PAFAH1B1: variants seen among roughly 807,000 people sequenced by gnomAD.
PAFAH1B1 encodes the protein platelet activating factor acetylhydrolase 1b regulatory subunit 1.
Under a neutral mutation model 57.5 loss-of-function variants are expected in PAFAH1B1, and 2 were observed. The observed-to-expected ratio is 0.03, with a 90% CI of 0.01 to 0.11. The LOEUF is 0.11. Among genes scored for constraint, PAFAH1B1 ranks in the 10% least tolerant of loss-of-function variants. The pLI is 1.00. For synonymous variants in PAFAH1B1, 152 were observed against 169.6 expected (o/e 0.90, Z 0.81); for missense variants, 257 against 512.0 (o/e 0.50, Z 4.81).
chr17:2,682,873 ACT>A lies in PAFAH1B1; in HGVS notation c.*1072_*1073del, dbSNP rs778579847. The A allele has an allele frequency of 1.3e-5, 2 of 152,580 alleles. No homozygotes were observed. Among genetic ancestry groups the A allele is most frequent in the Non-Finnish European group, 2.9e-5 (2 of 68,014 alleles). 9.5% of individuals were successfully genotyped at this position (152,580 alleles called of 1,614,324 possible). A position where few individuals can be genotyped will look rare whatever the true frequency, so the allele number is the denominator to read the frequency against. ...TTTAATGGAGCGTGCATAAAAATGT[ACT>A]GTTTTCACCTTTTGTTTATATGTAA... On this transcript the variant is annotated 3_prime_UTR_variant, in exon 11 of 11. Coordinates refer to ENST00000397195, the MANE Select transcript of PAFAH1B1 (RefSeq NM_000430.4).
At chr17:2,679,662 A>G (rs1453228696) in intron 9 of PAFAH1B1, 3 of 155,702 alleles carry the variant, frequency 1.9e-5, no homozygotes, top group Non-Finnish European at 2.8e-5. Flanking sequence ...GGATGGATGG[A>G]TGGATGGATA....
At chr17:2,663,301 T>C (rs1355304781) in intron 2 of PAFAH1B1, among the ~76,000 whole-genome samples, 1 of 152,080 alleles carries the variant, frequency 6.6e-6, no homozygotes. Flanking sequence ...GAAAATCAAC[T>C]CTAGGTCAAC....
At chr17:2,673,296 C>A (rs2069208292) in intron 7 of PAFAH1B1, among the ~76,000 whole-genome samples, 2 of 152,098 alleles carry the variant, frequency 1.3e-5, no homozygotes, top group South Asian at 4.2e-4. Context: ...TGGCTTATTT[C>A]CTCTGTGGTC....
intron 1 of PAFAH1B1, among the ~76,000 whole-genome samples, chr17:2,625,720 A>AT (rs1293917653): frequency 3.3e-5 from 5 of 152,108 alleles, no homozygotes; most frequent in Non-Finnish European, 7.4e-5. Flanking sequence ...GAGCCCAGGA[A>AT]TTAAAGACCA....
At chr17:2,625,394 A>AC (rs1352070471) in intron 1 of PAFAH1B1, among the ~76,000 whole-genome samples, 1 of 152,162 alleles carries the variant, frequency 6.6e-6, no homozygotes, top group African/African-American at 2.4e-5. Flanking sequence ...AGATTTGTGA[A>AC]CCCCCTTAAA....
In PAFAH1B1 at chr17:2,630,787, G is replaced by A. The variant is rs370269356; in HGVS notation, c.-190-7312G>A. Among the ~76,000 whole-genome samples the A allele has an allele frequency of 4.3e-4, 66 of 152,262 alleles. No individual in the cohort carries two copies. In the East Asian group the frequency reaches 7.3e-3, roughly 17 times the overall value. On this transcript the variant is annotated intron_variant, in intron 1 of 10. Transcript: ENST00000397195. Reference sequence around the variant, plus strand: ...GTTTAAGATAATCCCAGACGTCTTGGAAGCTTTGTTCATATTTTCTTATTC... The same window carrying A: ...GTTTAAGATAATCCCAGACGTCTTGAAAGCTTTGTTCATATTTTCTTATTC...
intron 1 of PAFAH1B1, among the ~76,000 whole-genome samples, chr17:2,614,563 G>A (rs1468971312): frequency 6.6e-6 from 1 of 152,128 alleles, no homozygotes; most frequent in Non-Finnish European, 1.5e-5. Context: ...CAAGGCAACT[G>A]TGTTTTCTTC....
chr17:2,602,607 T>C (rs2151609342), intron 1 of PAFAH1B1, among the ~76,000 whole-genome samples: 1 of 152,242 alleles, frequency 6.6e-6, no homozygotes, highest in African/African-American at 2.4e-5. Flanking sequence ...TTTCACATCG[T>C]CTCTCTAAAT....
chr17:2,640,774 G>C (rs2151636384), intron 2 of PAFAH1B1: 1 of 152,130 alleles, frequency 6.6e-6, no homozygotes, highest in African/African-American at 2.4e-5. Flanking sequence ...CGCATTCTTG[G>C]CCAGAATACT....
In PAFAH1B1 at chr17:2,635,087, TG is replaced by T. The variant is rs774714857; in HGVS notation, c.-190-3009del. 1.0e-3 allele frequency among the ~76,000 whole-genome samples: 154 copies of T among 150,354 alleles called. 1 individual carries two copies. The highest frequency in any genetic ancestry group is 3.5e-3 in the Middle Eastern group (1 of 288). On this transcript the variant is annotated intron_variant, in intron 1 of 10. Transcript: ENST00000397195. ...CTGAGGCAGGAGAATCACTAGAAGC[TG>T]GGAGGCAGAGGTTGCAGTGAGCTGA...
At chr17:2,624,896 C>T (rs1029841045) in intron 1 of PAFAH1B1, among the ~76,000 whole-genome samples, 3 of 152,160 alleles carry the variant, frequency 2.0e-5, no homozygotes, top group African/African-American at 7.2e-5. Context: ...GGTTAGGAAC[C>T]ATTGATAATT....
chr17:2,660,960 A>G (rs1025138146), intron 2 of PAFAH1B1, among the ~76,000 whole-genome samples: 20 of 152,102 alleles, frequency 1.3e-4, no homozygotes, highest in Admixed American at 2.6e-4. Context: ...GGTGTGAGAT[A>G]GTATCTCATT....
intron 1 of PAFAH1B1, among the ~76,000 whole-genome samples, chr17:2,595,250 G>A (rs2068071926): frequency 6.6e-6 from 1 of 151,874 alleles, no homozygotes; most frequent in Non-Finnish European, 1.5e-5. Context: ...GTTTCATAAG[G>A]TTTTAAAGGC....
chr17:2,668,973 A>G (rs1371674657), intron 5 of PAFAH1B1, among the ~76,000 whole-genome samples: 1 of 152,114 alleles, frequency 6.6e-6, no homozygotes, highest in Non-Finnish European at 1.5e-5. Flanking sequence ...TGAGACACAC[A>G]TACATATATA....
intron 4 of PAFAH1B1, 74 bp downstream of exon 4, chr17:2,666,164 AT>A (rs541594663): frequency 4.9e-5 from 60 of 1,213,048 alleles, no homozygotes; most frequent in Admixed American, 5.6e-5. Flanking sequence ...ATTCTTCTGC[AT>A]TAATTAATAA....
chr17:2,646,989 A>G (rs2068777457), intron 2 of PAFAH1B1, among the ~76,000 whole-genome samples: 2 of 152,104 alleles, frequency 1.3e-5, no homozygotes, highest in South Asian at 4.1e-4. Context: ...CCCAGCACTC[A>G]GAGAGGCCGA....
At chr17:2,648,572 G>C (rs1326809230) in intron 2 of PAFAH1B1, among the ~76,000 whole-genome samples, 1 of 151,922 alleles carries the variant, frequency 6.6e-6, no homozygotes, top group Non-Finnish European at 1.5e-5. Context: ...CAGCTAATTG[G>C]GAGGCTGAGG....
intron 9 of PAFAH1B1, among the ~76,000 whole-genome samples, chr17:2,677,611 T>A (rs2069289962): frequency 6.6e-6 from 1 of 152,116 alleles, no homozygotes; most frequent in African/African-American, 2.4e-5. Flanking sequence ...TCCCCGCACT[T>A]TGGGAGGCCG....
Position 2,684,939 on chromosome 17 carries a change from T to C in PAFAH1B1, c.*3137T>C, listed in dbSNP as rs1265722632. The stretch of plus-strand genomic sequence containing the variant: ...TAAATAGGTTTTCTTTAAACTTAAT[T>C]AAAGAAAAACTATTTAAAGGTAAAG... On this transcript the variant is annotated 3_prime_UTR_variant, in exon 11 of 11. Coordinates refer to ENST00000397195, the MANE Select transcript of PAFAH1B1 (RefSeq NM_000430.4). 1.3e-5 allele frequency: 2 copies of C among 152,166 alleles called. No individual in the cohort carries two copies. Among genetic ancestry groups the C allele is most frequent in the Non-Finnish European group, 2.9e-5 (2 of 68,016 alleles). The allele number at this position is 152,166 out of a possible 1,614,324, so 9.4% of individuals were successfully genotyped here.
Sources: allele counts gnomAD v4.1 joint callset (sites outside exome capture counted in the v4.1 genomes callset), GRCh38; gene constraint gnomAD v4.1.1; transcripts MANE v1.5; gene names NCBI Gene and HGNC (gene_info 2026-07-23, HGNC 2026-07-21).